C1QTNF7: variants seen among roughly 807,000 people sequenced by gnomAD.
C1QTNF7 encodes C1q and TNF related 7, also known as complement C1q tumor necrosis factor-related protein 7.
Under a neutral mutation model 19.6 loss-of-function variants are expected in C1QTNF7, and 15 were observed. That is an observed-to-expected ratio of 0.76 (90% CI 0.51 to 1.18). The LOEUF is 1.18. Ranked by LOEUF, C1QTNF7 falls within the 50% of genes most tolerant of loss-of-function variation. The pLI is 0.00. For missense variants in C1QTNF7, 324 were observed against 359.7 expected, an observed-to-expected ratio of 0.90 and a Z score of 0.80; for synonymous variants, 142 against 137.5, an observed-to-expected ratio of 1.03 and a Z score of -0.23.
intron 1 of C1QTNF7, among the ~76,000 whole-genome samples, chr4:15,410,607 A>G (rs545778586): frequency 6.6e-6 from 1 of 152,328 alleles, no homozygotes; most frequent in African/African-American, 2.4e-5. Flanking sequence ...CAGTGCTGCA[A>G]TAAACATCTT....
chr4:15,360,150 A>G (rs1235866057), intron 1 of C1QTNF7, among the ~76,000 whole-genome samples: 1 of 152,212 alleles, frequency 6.6e-6, no homozygotes, highest in African/African-American at 2.4e-5. Context: ...ACAGACAGCC[A>G]TCCTCTGAGT....
At chr4:15,359,487 C>T (rs1360205228) in intron 1 of C1QTNF7, among the ~76,000 whole-genome samples, 1 of 152,104 alleles carries the variant, frequency 6.6e-6, no homozygotes, top group Non-Finnish European at 1.5e-5. Flanking sequence ...TTATGTAGAA[C>T]TCTCTAGGGC....
At chr4:15,413,852 G>A (rs908424150) in intron 1 of C1QTNF7, among the ~76,000 whole-genome samples, 4 of 152,198 alleles carry the variant, frequency 2.6e-5, no homozygotes, top group African/African-American at 9.7e-5. Context: ...CCTACAAAGA[G>A]GGTCATCTCA....
chr4:15,382,901 G>T (rs533767168), intron 1 of C1QTNF7, among the ~76,000 whole-genome samples: 1 of 152,118 alleles, frequency 6.6e-6, no homozygotes, highest in Non-Finnish European at 1.5e-5. Flanking sequence ...CCCAAGTGCC[G>T]CCAAAGTCAT....
chr4:15,397,937 A>G (rs1209183713), intron 1 of C1QTNF7, among the ~76,000 whole-genome samples: 3 of 152,160 alleles, frequency 2.0e-5, no homozygotes, highest in Non-Finnish European at 4.4e-5. Context: ...CTGCAAGAGC[A>G]CCCAGTGGAA....
chr4:15,400,581 T>C (rs1230321875), intron 1 of C1QTNF7, among the ~76,000 whole-genome samples: 1 of 152,238 alleles, frequency 6.6e-6, no homozygotes, highest in African/African-American at 2.4e-5. Flanking sequence ...AGCTGGTCAG[T>C]GTCCTGGCTG....
intron 1 of C1QTNF7, among the ~76,000 whole-genome samples, chr4:15,370,482 A>G (rs1717681591): frequency 2.0e-5 from 3 of 152,138 alleles, no homozygotes; most frequent in Admixed American, 2.0e-4. Flanking sequence ...CTCTGCCTAC[A>G]AGTGATTCTG....
chr4:15,434,054 G>GAA lies in C1QTNF7; in HGVS notation c.-8-1680_-8-1679dup, dbSNP rs757954538. Among the ~76,000 whole-genome samples, 5 of 152,094 alleles carry GAA rather than the reference G, an allele frequency of 3.3e-5. No homozygotes were observed. In the South Asian group the frequency reaches 8.3e-4, roughly 25 times the overall value. ...TGTATTGAATGCACTGGGCTTGTCA[G>GAA]AAAGTGCCTTAATTCCAGTTGAGCA... On this transcript the variant is annotated intron_variant, in intron 1 of 2. Coordinates refer to ENST00000444304, the MANE Select transcript of C1QTNF7 (RefSeq NM_031911.5).
chr4:15,362,167 T>C (rs1025930165), intron 1 of C1QTNF7, among the ~76,000 whole-genome samples: 2 of 152,168 alleles, frequency 1.3e-5, no homozygotes. Context: ...TAATTTAAAG[T>C]GTTTAGCACA....
intron 1 of C1QTNF7, among the ~76,000 whole-genome samples, chr4:15,372,316 C>T (rs994820186): frequency 2.0e-5 from 3 of 152,098 alleles, no homozygotes; most frequent in Non-Finnish European, 4.4e-5. Context: ...ACTATGGTCT[C>T]TTAAGAAAAG....
chr4:15,339,964 T>G, exon 1 of C1QTNF7: 1 of 608,918 alleles, frequency 1.6e-6, no homozygotes, highest in South Asian at 2.0e-5. Context: ...TTGTTTAAAC[T>G]GAGAAAGACA....
intron 1 of C1QTNF7, among the ~76,000 whole-genome samples, chr4:15,387,100 T>G (rs1166206723): frequency 1.3e-5 from 2 of 152,082 alleles, no homozygotes; most frequent in Non-Finnish European, 2.9e-5. Flanking sequence ...GAGGTGATGT[T>G]TATGGGAAAC....
At chr4:15,433,685 T>A (rs1289572232) in intron 1 of C1QTNF7, among the ~76,000 whole-genome samples, 1 of 152,122 alleles carries the variant, frequency 6.6e-6, no homozygotes, top group East Asian at 1.9e-4. Context: ...AGAACACATA[T>A]CACCAGAAAT....
chr4:15,411,608 T>C (rs1719405340), intron 1 of C1QTNF7, among the ~76,000 whole-genome samples: 1 of 152,236 alleles, frequency 6.6e-6, no homozygotes, highest in Admixed American at 6.5e-5. Context: ...CCAGGTATGC[T>C]GGCTTCAGAA....
At chr4:15,428,576 TG>T in intron 1 of C1QTNF7, among the ~76,000 whole-genome samples, 1 of 152,266 alleles carries the variant, frequency 6.6e-6, no homozygotes, top group Non-Finnish European at 1.5e-5. Context: ...CATAACACAG[TG>T]CAATTGTGTG....
chr4:15,370,073 A>C (rs1353610289), intron 1 of C1QTNF7, among the ~76,000 whole-genome samples: 1 of 152,186 alleles, frequency 6.6e-6, no homozygotes, highest in Non-Finnish European at 1.5e-5. Context: ...AGTCTGCCTA[A>C]TACTATTGTA....
intron 1 of C1QTNF7, among the ~76,000 whole-genome samples, chr4:15,411,966 T>G (rs1170550868): frequency 6.6e-6 from 1 of 152,110 alleles, no homozygotes; most frequent in Non-Finnish European, 1.5e-5. Context: ...CAGTGAAGCT[T>G]CATCTGTATT....
chr4:15,353,451 A>C (rs537607362), intron 1 of C1QTNF7, among the ~76,000 whole-genome samples: 1 of 152,286 alleles, frequency 6.6e-6, no homozygotes, highest in East Asian at 1.9e-4. Context: ...AATCTAACAA[A>C]AATTTGAGAG....
At chr4:15,385,924 T>C (rs1207869726) in intron 1 of C1QTNF7, among the ~76,000 whole-genome samples, 3 of 152,222 alleles carry the variant, frequency 2.0e-5, no homozygotes, top group Non-Finnish European at 4.4e-5. Flanking sequence ...ACAAATCACA[T>C]CATAACACGA....
Sources: allele counts gnomAD v4.1 joint callset (sites outside exome capture counted in the v4.1 genomes callset), GRCh38; gene constraint gnomAD v4.1.1; transcripts MANE v1.5; gene names NCBI Gene and HGNC (gene_info 2026-07-23, HGNC 2026-07-21).